The following SLC9B2 variants were observed in gnomAD, a reference collection of about 807,000 sequenced individuals.
The protein encoded by SLC9B2 is solute carrier family 9 member B2.
A neutral mutation model predicts 52.2 loss-of-function variants in SLC9B2; 39 were observed. The observed-to-expected ratio is 0.75, with a 90% confidence interval of 0.58 to 0.98. The LOEUF (loss-of-function observed/expected upper bound fraction) is 0.98. Ranked by LOEUF, SLC9B2 falls within the 50% of genes least tolerant of loss-of-function variation. The pLI is 0.00. For missense variants in SLC9B2, 626 were observed against 637.5 expected (o/e 0.98, Z 0.19); for synonymous variants, 214 against 227.0 (o/e 0.94, Z 0.51).
In SLC9B2 at chr4:103,074,474, A is replaced by G. The variant is rs151254663; in HGVS notation, c.-43+1710T>C. On this transcript the variant is annotated intron_variant, in intron 1 of 11. Transcript: ENST00000394785. Reference sequence around the variant, plus strand: ...CTCTGTCTTACAAACTTTAGTTTCTATCTTTCTAGCTTCTTGTTACAGTGC... The same window carrying G: ...CTCTGTCTTACAAACTTTAGTTTCTGTCTTTCTAGCTTCTTGTTACAGTGC... Among the ~76,000 whole-genome samples the G allele has an allele frequency of 6.6e-5, 10 of 152,316 alleles. No homozygotes were observed. In the East Asian group the frequency reaches 1.9e-3, roughly 29 times the overall value.
intron 1 of SLC9B2, among the ~76,000 whole-genome samples, chr4:103,068,093 A>C (rs1746305747): frequency 6.6e-6 from 1 of 152,234 alleles, no homozygotes; most frequent in Non-Finnish European, 1.5e-5. Flanking sequence ...GAGTAGCCAG[A>C]ATGTCTCAGA....
At chr4:103,060,085 T>C (rs1745488905) in intron 3 of SLC9B2, among the ~76,000 whole-genome samples, 1 of 152,102 alleles carries the variant, frequency 6.6e-6, no homozygotes, top group Admixed American at 6.5e-5. Flanking sequence ...ATGATGTGTT[T>C]AGGTGTGACT....
intron 4 of SLC9B2, among the ~76,000 whole-genome samples, chr4:103,052,701 G>A (rs966385209): frequency 6.6e-6 from 1 of 151,714 alleles, no homozygotes; most frequent in African/African-American, 2.4e-5. Context: ...TTGTTTTGGG[G>A]GATATGAGGG....
At chr4:103,054,258 C>A (rs1278035273) in intron 4 of SLC9B2, among the ~76,000 whole-genome samples, 1 of 152,090 alleles carries the variant, frequency 6.6e-6, no homozygotes, top group African/African-American at 2.4e-5. Flanking sequence ...CCACCCTGGG[C>A]AAATGAGACC....
intron 3 of SLC9B2, among the ~76,000 whole-genome samples, chr4:103,060,886 G>A (rs1218522474): frequency 6.6e-6 from 1 of 152,056 alleles, no homozygotes; most frequent in Non-Finnish European, 1.5e-5. Flanking sequence ...CATTTTTATT[G>A]GCGACTCCAC....
chr4:103,032,940 AG>A (rs1742830276), intron 9 of SLC9B2, among the ~76,000 whole-genome samples: 1 of 152,184 alleles, frequency 6.6e-6, no homozygotes, highest in South Asian at 2.1e-4. Context: ...TTATAGCCAT[AG>A]GTGCTATTCT....
chr4:103,054,456 T>C (rs1744950900), intron 4 of SLC9B2, among the ~76,000 whole-genome samples: 1 of 152,192 alleles, frequency 6.6e-6, no homozygotes, highest in Admixed American at 6.5e-5. Flanking sequence ...CTCTTTACAA[T>C]GAATTTTGAG....
At chr4:103,074,835 A>T (rs1746969221) in intron 1 of SLC9B2, among the ~76,000 whole-genome samples, 1 of 152,228 alleles carries the variant, frequency 6.6e-6, no homozygotes, top group Admixed American at 6.5e-5. Flanking sequence ...CTACTTGAAG[A>T]AATTCAAAAT....
intron 7 of SLC9B2, 73 bp from the exon 8 acceptor site, chr4:103,045,069 C>T: frequency 1.1e-6 from 1 of 929,686 alleles, no homozygotes. Flanking sequence ...CAATCATCAA[C>T]ATGAAGCATC....
At chr4:103,074,109 T>G (rs181313366) in intron 1 of SLC9B2, among the ~76,000 whole-genome samples, 5 of 152,342 alleles carry the variant, frequency 3.3e-5, no homozygotes, top group African/African-American at 1.2e-4. Context: ...CTCCTCTTTT[T>G]GTCTTTAAAT....
rs139141135 is a variant in SLC9B2 at position 103,066,389 on chromosome 4, T to C, written c.209A>G (p.Gln70Arg). ...GCAAGCCAGCATTTGTCTCAGTCTT[T>C]GTACGTGATTTGCTTCAGTTGGTGT... ...QETPTEANHV[Q>R]RLRQMLACPP... The change falls in exon 3 of 12, where the codon CAA becomes CGA. Residue 70 changes from glutamine (Q) to arginine (R), a missense_variant. Gln to Arg is a conservative substitution (Grantham distance 43). Transcript: ENST00000394785. 68 of 1,614,038 alleles carry C rather than the reference T, an allele frequency of 4.2e-5. No homozygotes were observed. Among genetic ancestry groups the C allele is most frequent in the Middle Eastern group, 1.6e-4 (1 of 6,084 alleles).
intron 3 of SLC9B2, among the ~76,000 whole-genome samples, chr4:103,063,843 T>C (rs1181136128): frequency 2.0e-5 from 3 of 152,054 alleles, no homozygotes; most frequent in African/African-American, 7.2e-5. Flanking sequence ...AAAAACTCAA[T>C]AGCAGGAAAA....
chr4:103,040,286 C>A (rs991779564), intron 9 of SLC9B2, among the ~76,000 whole-genome samples: 2 of 152,160 alleles, frequency 1.3e-5, no homozygotes, highest in African/African-American at 4.8e-5. Context: ...GTATTTCATA[C>A]ACTCAGAATA....
Position 103,066,382 on chromosome 4 carries a change from C to G in SLC9B2, c.216G>C (p.Leu72=). 1 of 1,614,082 alleles carries G rather than the reference C, an allele frequency of 6.2e-7. No individual in the cohort carries two copies. The highest frequency in any genetic ancestry group is 8.5e-7 in the Non-Finnish European group (1 of 1,179,940). ...TPTEANHVQR[L]RQMLACPPHG... ...GTGGAGGGCAAGCCAGCATTTGTCT[C>G]AGTCTTTGTACGTGATTTGCTTCAG... The change falls in exon 3 of 12, where the codon CTG becomes CTC. Residue 72 remains leucine, a synonymous_variant. Coordinates refer to ENST00000394785, the MANE Select transcript of SLC9B2 (RefSeq NM_178833.7).
At chr4:103,051,407 TG>T (rs1381730654) in intron 4 of SLC9B2, among the ~76,000 whole-genome samples, 1 of 152,208 alleles carries the variant, frequency 6.6e-6, no homozygotes, top group Non-Finnish European at 1.5e-5. Context: ...TAGGTTATTT[TG>T]TGATGCAAGA....
chr4:103,035,665 T>C (rs576338092), intron 9 of SLC9B2, among the ~76,000 whole-genome samples: 34 of 152,292 alleles, frequency 2.2e-4, no homozygotes, highest in African/African-American at 7.2e-4. Context: ...AAGGGAATGC[T>C]GATACACTGC....
intron 3 of SLC9B2, among the ~76,000 whole-genome samples, chr4:103,058,887 C>A (rs1167678706): frequency 6.6e-6 from 1 of 151,986 alleles, no homozygotes; most frequent in African/African-American, 2.4e-5. Context: ...CATAGTGAGA[C>A]CTTGTCTCTA....
chr4:103,071,432 G>C (rs1017264413), intron 1 of SLC9B2, among the ~76,000 whole-genome samples: 1 of 149,640 alleles, frequency 6.7e-6, no homozygotes, highest in Admixed American at 6.7e-5. Flanking sequence ...AGGCTGAAGA[G>C]GGATTGCAAT....
chr4:103,066,302 C>T, intron 3 of SLC9B2, 25 bp downstream of exon 3: 1 of 1,585,426 alleles, frequency 6.3e-7, no homozygotes, highest in South Asian at 1.1e-5. Context: ...CATCTTTTGC[C>T]ATCTCTTTCT....
Sources: gnomAD v4.1 joint callset for allele counts (sites outside exome capture counted in the v4.1 genomes callset) on GRCh38, gnomAD v4.1.1 for gene constraint, MANE v1.5 for transcripts, NCBI Gene and HGNC (gene_info 2026-07-23, HGNC 2026-07-21) for gene names.